Variants in CEP350 observed in about 807,000 individuals in gnomAD.
CEP350 encodes the protein centrosome-associated protein 350.
In CEP350, 126 loss-of-function variants were observed where a neutral mutation model predicts 331.8. The observed-to-expected ratio is 0.38, with a 90% CI of 0.33 to 0.44. The LOEUF is 0.44. Among genes scored for constraint, CEP350 ranks in the 20% least tolerant of loss-of-function variants. The probability of loss-of-function intolerance (pLI) is 1.00; values close to 1 mark genes in which losing one functional copy is unlikely to be tolerated. For synonymous variants in CEP350, 1,200 were observed against 1,259.5 expected (o/e 0.95, Z 1.00); for missense variants, 3,406 against 3,634.6 (o/e 0.94, Z 1.62).
chr1:180,065,180 G>C lies in CEP350; in HGVS notation c.5475G>C (p.Glu1825Asp). 6.2e-7 allele frequency: 1 copy of C among 1,613,702 alleles called. No individual in the cohort carries two copies. Among genetic ancestry groups the C allele is most frequent in the Non-Finnish European group, 8.5e-7 (1 of 1,179,764 alleles). The change falls in exon 27 of 38, where the codon GAG (glutamate) becomes GAC (aspartate). Residue 1825 changes from glutamate to aspartate, a missense_variant. Glu to Asp is a conservative substitution (Grantham distance 45). Coordinates refer to ENST00000367607, the MANE Select transcript of CEP350 (RefSeq NM_014810.5). ...CCAGTCCTGGTCCAACTGACTTGGA[G>C]ACCCGCAGTCCTTCTCCCATTTCAA... ...KATSPGPTDL[E>D]TRSPSPISIS...
chr1:179,987,022 A>T (rs1652688869), intron 2 of CEP350, among the ~76,000 whole-genome samples: 1 of 152,130 alleles, frequency 6.6e-6, no homozygotes. Context: ...GTGTCTGTTT[A>T]CCTTTAAACC....
intron 27 of CEP350, among the ~76,000 whole-genome samples, chr1:180,066,925 A>G (rs912376461): frequency 6.6e-6 from 1 of 152,180 alleles, no homozygotes; most frequent in African/African-American, 2.4e-5. Flanking sequence ...TGTTGGGGGA[A>G]CACAGTGTCA....
chr1:180,033,936 A>C lies in CEP350; in HGVS notation c.3800A>C (p.Gln1267Pro), dbSNP rs775261965. 3 of 1,613,902 alleles carry C rather than the reference A, an allele frequency of 1.9e-6. No homozygotes were observed. The highest frequency in any genetic ancestry group is 1.7e-6 in the Non-Finnish European group (2 of 1,179,820). ...TCACCAAGTTCCCAGAAATCATTGC[A>C]GTTTGACGTTGCAGGAACTTCTTCA... ...PLSPSSQKSL[Q>P]FDVAGTSSER... The change falls in exon 16 of 38, where the codon CAG becomes CCG. Residue 1267 changes from glutamine (Q) to proline (P), a missense_variant. Physicochemically the swap from Gln to Pro is moderately conservative, Grantham distance 76. Transcript: ENST00000367607.
chr1:179,988,656 A>G (rs780489344), intron 3 of CEP350, among the ~76,000 whole-genome samples: 1 of 151,806 alleles, frequency 6.6e-6, no homozygotes, highest in Non-Finnish European at 1.5e-5. Context: ...TGCATAGTTC[A>G]TTCAAAGGGA....
chr1:180,065,211 A>C lies in CEP350; in HGVS notation c.5506A>C (p.Ser1836Arg), dbSNP rs1252369307. 1 of 1,613,870 alleles carries C rather than the reference A, an allele frequency of 6.2e-7. No individual in the cohort carries two copies. Among genetic ancestry groups the C allele is most frequent in the East Asian group, 2.2e-5 (1 of 44,860 alleles). Residue 1836 changes from serine to arginine, a missense_variant, in exon 27 of 38, where the codon AGC becomes CGC. Physicochemically the swap from Ser to Arg is moderately radical, Grantham distance 110 (BLOSUM62 -1). Coordinates refer to ENST00000367607, the MANE Select transcript of CEP350 (RefSeq NM_014810.5). ...TRSPSPISIS[S>R]SETSSIMQKL... The stretch of plus-strand genomic sequence containing the variant: ...CAGTCCTTCTCCCATTTCAATCTCC[A>C]GCAGTGAAACTAGCAGCATTATGCA...
intron 1 of CEP350, among the ~76,000 whole-genome samples, chr1:179,982,487 G>A (rs1460552136): frequency 6.6e-6 from 1 of 151,954 alleles, no homozygotes; most frequent in Non-Finnish European, 1.5e-5. Flanking sequence ...CATTAATAGG[G>A]TATTTATTTT....
At chr1:179,955,382 C>A (rs1041163688) in intron 1 of CEP350, among the ~76,000 whole-genome samples, 1 of 152,190 alleles carries the variant, frequency 6.6e-6, no homozygotes, top group African/African-American at 2.4e-5. Context: ...GTGCCAGTGT[C>A]CTCCCGCCTC....
chr1:180,093,607 A>G lies in CEP350; in HGVS notation c.7502A>G (p.Asp2501Gly). ...ADELFDFHIG[D>G]RVLIGNVQPG... ...GAGTTATTTGATTTCCACATTGGTGATAGGGTGTTGATTGGAAATGTTCAG... is the reference window on the plus strand; with the variant it reads ...GAGTTATTTGATTTCCACATTGGTGGTAGGGTGTTGATTGGAAATGTTCAG... Residue 2501 changes from aspartate to glycine, a missense_variant, in exon 34 of 38, where the codon GAT becomes GGT. Physicochemically the swap from Asp to Gly is moderately conservative, Grantham distance 94 (BLOSUM62 -1). Transcript: ENST00000367607. 1 of 1,613,916 alleles carries G rather than the reference A, an allele frequency of 6.2e-7. No homozygotes were observed. Among genetic ancestry groups the G allele is most frequent in the Non-Finnish European group, 8.5e-7 (1 of 1,179,846 alleles).
Position 179,999,253 on chromosome 1 carries a change from A to T in CEP350, c.1018+2078A>T, listed in dbSNP as rs115268650. On this transcript the variant is annotated intron_variant, in intron 6 of 37. Transcript: ENST00000367607. ...TTTTGTAATAATTTATAAAAACCTA[A>T]AAGTTAAAAACAATTTTACAGAATG... is the stretch of plus-strand genomic sequence containing the variant. 5.4e-3 allele frequency among the ~76,000 whole-genome samples: 827 copies of T among 152,292 alleles called. 9 individuals carry two copies. The highest frequency in any genetic ancestry group is 0.019 in the African/African-American group (792 of 41,576).
intron 25 of CEP350, among the ~76,000 whole-genome samples, chr1:180,061,852 T>A (rs1470925478): frequency 6.6e-6 from 1 of 152,170 alleles, no homozygotes; most frequent in Non-Finnish European, 1.5e-5. Flanking sequence ...GGCCTAAAAG[T>A]TTAGCAATAG....
chr1:180,006,497 G>T lies in CEP350; in HGVS notation c.1176G>T (p.Glu392Asp). The change falls in exon 8 of 38, where the codon GAG (glutamate) becomes GAT (aspartate). Residue 392 changes from glutamate to aspartate, a missense_variant. By Grantham distance (45) the Glu-to-Asp change is conservative. Transcript: ENST00000367607. ...AGAAACCTGCTGAAAAAAGTAAAGA[G>T]AAGAAAGTAGTCAAGCCAGTACGAA... is the stretch of plus-strand genomic sequence containing the variant. ...IKEKPAEKSK[E>D]KKVVKPVRKV... 3 of 1,551,416 alleles carry T rather than the reference G, an allele frequency of 1.9e-6. No homozygotes were observed. The highest frequency in any genetic ancestry group is 2.6e-6 in the Non-Finnish European group (3 of 1,145,434).
rs775115418 is a variant in CEP350 at position 180,003,152 on chromosome 1, CTG to C, written c.1019-18_1019-17del. ...ATAAAGCAACTTTGATAAGAATATT[CTG>C]TGTTACTGGTATGTATTAGGTTTCA... On this transcript the variant is annotated intron_variant, in intron 6 of 37. Transcript: ENST00000367607. 2 of 1,450,074 alleles carry C rather than the reference CTG, an allele frequency of 1.4e-6. No homozygotes were observed. The highest frequency in any genetic ancestry group is 1.9e-6 in the Non-Finnish European group (2 of 1,046,954). 89.8% of individuals were successfully genotyped at this position (1,450,074 alleles called of 1,614,324 possible).
In CEP350 at chr1:180,112,364, A is replaced by G. The variant is rs1442399635; in HGVS notation, c.*1203A>G. ...GTGAAACGAAGATGGGCTTTTCCAG[A>G]TCACCTGCAATAGCAGCAGTGGGAT... is the stretch of plus-strand genomic sequence containing the variant. On this transcript the variant is annotated 3_prime_UTR_variant, in exon 38 of 38. Transcript: ENST00000367607. 6.6e-6 allele frequency: 1 copy of G among 152,618 alleles called. No homozygotes were observed. The highest frequency in any genetic ancestry group is 2.4e-5 in the African/African-American group (1 of 41,460). 9.5% of individuals were successfully genotyped at this position (152,618 alleles called of 1,614,324 possible). A position where few individuals can be genotyped will look rare whatever the true frequency, so the allele number is the denominator to read the frequency against.
chr1:180,065,455 A>G (rs1571946940), intron 27 of CEP350, among the ~76,000 whole-genome samples, 183 bp downstream of exon 27: 3 of 152,140 alleles, frequency 2.0e-5, no homozygotes, highest in East Asian at 1.9e-4. Flanking sequence ...TTATAAAACA[A>G]TTTTAATACG....
chr1:180,002,164 T>C (rs1653908076), intron 6 of CEP350, among the ~76,000 whole-genome samples: 1 of 152,170 alleles, frequency 6.6e-6, no homozygotes, highest in Non-Finnish European at 1.5e-5. Context: ...TGCAAAATGG[T>C]ACAGCTGCTT....
chr1:180,093,102 C>G lies in CEP350; in HGVS notation c.6997C>G (p.Gln2333Glu), dbSNP rs781004741. Residue 2333 changes from glutamine to glutamate, a missense_variant, in exon 34 of 38, where the codon CAG (glutamine) becomes GAG (glutamate). By Grantham distance (29) the Gln-to-Glu change is conservative. Around this residue, in one of 5 missense-constraint regions of CEP350, gnomAD observed 1,415 missense variants for 1,512.3 expected, o/e 0.94. Transcript: ENST00000367607. ...AAGTGAGGAAATGTTGAAAGAGAGACAGTCAGATCAAGATATGAATCATAG... is the reference window on the plus strand; with the variant it reads ...AAGTGAGGAAATGTTGAAAGAGAGAGAGTCAGATCAAGATATGAATCATAG... ...HKSEEMLKER[Q>E]SDQDMNHSPN... 1.9e-6 allele frequency: 3 copies of G among 1,602,820 alleles called. No individual in the cohort carries two copies. Among genetic ancestry groups the G allele is most frequent in the South Asian group, 2.2e-5 (2 of 89,154 alleles).
intron 14 of CEP350, among the ~76,000 whole-genome samples, chr1:180,024,885 A>T (rs1410821849): frequency 6.6e-6 from 1 of 152,010 alleles, no homozygotes; most frequent in Non-Finnish European, 1.5e-5. Flanking sequence ...AACATTTTTG[A>T]TGTATACGTA....
chr1:180,007,925 T>G (rs1279919989), intron 8 of CEP350, among the ~76,000 whole-genome samples: 2 of 150,982 alleles, frequency 1.3e-5, no homozygotes, highest in Non-Finnish European at 2.9e-5. Flanking sequence ...ATGTATAGTT[T>G]GATACATTTT....
At chr1:180,097,003 C>T (rs1660516735) in intron 36 of CEP350, among the ~76,000 whole-genome samples, 1 of 152,176 alleles carries the variant, frequency 6.6e-6, no homozygotes, top group Non-Finnish European at 1.5e-5. Flanking sequence ...TCCTGCTGGT[C>T]CCAGGACCAC....
Sources: allele counts gnomAD v4.1 joint callset (sites outside exome capture counted in the v4.1 genomes callset), GRCh38; gene constraint gnomAD v4.1.1; regional missense constraint gnomAD v4.1.1; transcripts MANE v1.5; gene names NCBI Gene and HGNC (gene_info 2026-07-23, HGNC 2026-07-21).